Variants in ZNF385D observed in about 807,000 individuals in gnomAD.
ZNF385D encodes zinc finger protein 659.
Under a neutral mutation model 35.8 loss-of-function variants are expected in ZNF385D, and 15 were observed. That is an observed-to-expected ratio of 0.42 (90% CI 0.28 to 0.64). The LOEUF (loss-of-function observed/expected upper bound fraction) is 0.64, where lower values mean the gene tolerates loss of function less well. ZNF385D is among the 30% of genes least tolerant of loss of function. The probability of loss-of-function intolerance (pLI) is 0.23; values close to 1 mark genes in which losing one functional copy is unlikely to be tolerated. For missense variants in ZNF385D, 474 were observed against 494.6 expected, an observed-to-expected ratio of 0.96 and a Z score of 0.39; for synonymous variants, 212 against 186.8, an observed-to-expected ratio of 1.13 and a Z score of -1.10.
chr3:21,955,405 C>T (rs960187315), intron 3 of ZNF385D, among the ~76,000 whole-genome samples: 1 of 152,098 alleles, frequency 6.6e-6, no homozygotes, highest in Non-Finnish European at 1.5e-5. Context: ...GATGGGTTCT[C>T]TTGTCTCCAA....
intron 3 of ZNF385D, among the ~76,000 whole-genome samples, chr3:21,892,283 C>T (rs1169222128): frequency 2.6e-5 from 4 of 152,108 alleles, no homozygotes; most frequent in Admixed American, 6.5e-5. Context: ...GCTTTGAAAG[C>T]GCTACAGTGC....
intron 2 of ZNF385D, among the ~76,000 whole-genome samples, chr3:21,595,285 A>G (rs1235799583): frequency 6.6e-6 from 1 of 152,078 alleles, no homozygotes; most frequent in Non-Finnish European, 1.5e-5. Context: ...CCTCCAGGCG[A>G]GCCCTATTCA....
At chr3:21,543,025 A>T (rs2062231610) in intron 3 of ZNF385D, 1 of 152,486 alleles carries the variant, frequency 6.6e-6, no homozygotes, top group Non-Finnish European at 1.5e-5. Flanking sequence ...AAAACCTCTC[A>T]CTGTTGGCCG....
chr3:21,824,606 G>A (rs998812706), intron 3 of ZNF385D, among the ~76,000 whole-genome samples: 6 of 151,922 alleles, frequency 3.9e-5, no homozygotes. Context: ...ACAGTTACGT[G>A]GTTGTATCCA....
intron 2 of ZNF385D, among the ~76,000 whole-genome samples, chr3:21,589,431 T>C (rs973591794): frequency 6.6e-6 from 1 of 152,228 alleles, no homozygotes; most frequent in Non-Finnish European, 1.5e-5. Context: ...CAAAAATTTC[T>C]AGTAGATCAT....
intron 2 of ZNF385D, among the ~76,000 whole-genome samples, chr3:22,285,515 G>A (rs1405468241): frequency 6.6e-6 from 1 of 151,732 alleles, no homozygotes; most frequent in Non-Finnish European, 1.5e-5. Flanking sequence ...TTTTAACTGT[G>A]CACTTATTCA....
chr3:21,474,314 C>A (rs73044482), intron 4 of ZNF385D, among the ~76,000 whole-genome samples: 2 of 152,240 alleles, frequency 1.3e-5, no homozygotes, highest in Non-Finnish European at 2.9e-5. Flanking sequence ...CTTGTGAGGA[C>A]TGTGAGGATA....
At chr3:21,763,607 T>G (rs2070711119) in intron 3 of ZNF385D, among the ~76,000 whole-genome samples, 1 of 152,182 alleles carries the variant, frequency 6.6e-6, no homozygotes, top group Admixed American at 6.5e-5. Context: ...TTAAGCCCTG[T>G]GTATTTCATA....
chr3:22,033,959 C>G (rs1698162144), intron 3 of ZNF385D, among the ~76,000 whole-genome samples: 2 of 152,114 alleles, frequency 1.3e-5, no homozygotes, highest in Non-Finnish European at 2.9e-5. Flanking sequence ...ACTACTTTCT[C>G]CAGGAAACCT....
intron 2 of ZNF385D, among the ~76,000 whole-genome samples, chr3:22,281,566 C>T (rs998846366): frequency 6.6e-6 from 1 of 152,026 alleles, no homozygotes; most frequent in Non-Finnish European, 1.5e-5. Context: ...TAAACCATCC[C>T]TGCGCATCCC....
rs139957665 is a variant in ZNF385D at position 22,337,587 on chromosome 3, T to C, written c.106+34863A>G. Among the ~76,000 whole-genome samples the C allele has an allele frequency of 2.3e-3, 357 of 152,282 alleles. 7 individuals are homozygous for C. The South Asian group carries it at 0.027, about 11-fold the overall frequency. On this transcript the variant is annotated intron_variant, in intron 2 of 5. Transcript: ENST00000494108. The stretch of plus-strand genomic sequence containing the variant: ...AATACTCATTTGGTACACTTGGTAT[T>C]AGAACTCACCGAAAATGCCCAATTT...
intron 3 of ZNF385D, among the ~76,000 whole-genome samples, chr3:21,873,614 C>A (rs966158708): frequency 6.6e-6 from 1 of 152,000 alleles, no homozygotes; most frequent in Non-Finnish European, 1.5e-5. Context: ...AAATTGTATA[C>A]CTATTGAACA....
At chr3:21,797,028 T>C (rs1030482296) in intron 3 of ZNF385D, among the ~76,000 whole-genome samples, 1 of 152,176 alleles carries the variant, frequency 6.6e-6, no homozygotes, top group Non-Finnish European at 1.5e-5. Flanking sequence ...AAATTAAGAA[T>C]TCCTCTCCTT....
chr3:22,273,453 G>C (rs1428890574), intron 2 of ZNF385D, among the ~76,000 whole-genome samples: 1 of 151,890 alleles, frequency 6.6e-6, no homozygotes, highest in Non-Finnish European at 1.5e-5. Flanking sequence ...TTTCTGGGTG[G>C]TTCTACTGGT....
At chr3:21,782,459 A>C (rs1400148024) in intron 3 of ZNF385D, among the ~76,000 whole-genome samples, 1 of 152,070 alleles carries the variant, frequency 6.6e-6, no homozygotes, top group Non-Finnish European at 1.5e-5. Flanking sequence ...AAGACAAATG[A>C]GCTTCTAATT....
chr3:22,126,310 G>GTTTTTTTTTTTTTTTTTT (rs57457479), intron 3 of ZNF385D, among the ~76,000 whole-genome samples: 1 of 100,146 alleles, frequency 1.0e-5, no homozygotes, highest in African/African-American at 3.9e-5. Context: ...TTTGAAAGTT[G>GTTTTTTTTTTTTTTTTTT]TTTTTTTTTT....
chr3:21,878,218 A>T (rs1039540243), intron 3 of ZNF385D: 1 of 151,950 alleles, frequency 6.6e-6, no homozygotes, highest in African/African-American at 2.4e-5. Flanking sequence ...GAGAGATCTT[A>T]AGTAACTTAT....
chr3:21,444,901 A>G (rs400737), intron 4 of ZNF385D, among the ~76,000 whole-genome samples: 1 of 152,036 alleles, frequency 6.6e-6, no homozygotes, highest in Non-Finnish European at 1.5e-5. Context: ...AGAAGCCCCC[A>G]AAAAGAGGTG....
At chr3:21,597,002 A>G (rs1235081665) in intron 2 of ZNF385D, among the ~76,000 whole-genome samples, 1 of 152,176 alleles carries the variant, frequency 6.6e-6, no homozygotes, top group Non-Finnish European at 1.5e-5. Flanking sequence ...AGAAGTTGCA[A>G]GACAGAAAAG....
Sources: gnomAD v4.1 joint callset for allele counts (sites outside exome capture counted in the v4.1 genomes callset) on GRCh38, gnomAD v4.1.1 for gene constraint, MANE v1.5 for transcripts, NCBI Gene and HGNC (gene_info 2026-07-23, HGNC 2026-07-21) for gene names.